Variants in CPT1C observed in about 807,000 individuals in gnomAD.
The protein encoded by CPT1C is palmitoyl thioesterase CPT1C.
In CPT1C, 61 loss-of-function variants were observed where a neutral mutation model predicts 97.3. That is an observed-to-expected ratio of 0.63 (90% CI 0.51 to 0.78). The LOEUF (loss-of-function observed/expected upper bound fraction) is 0.78. CPT1C is among the 30% of genes least tolerant of loss of function. CPT1C has a pLI of 0.00. For synonymous variants in CPT1C, 469 were observed against 447.2 expected, an observed-to-expected ratio of 1.05 and a Z score of -0.61; for missense variants, 975 against 1,065.5, an observed-to-expected ratio of 0.92 and a Z score of 1.18.
At chr19:49,699,051 C>T (rs546677795) in intron 4 of CPT1C, among the ~76,000 whole-genome samples, 3 of 151,862 alleles carry the variant, frequency 2.0e-5, no homozygotes, top group Middle Eastern at 3.4e-3. Flanking sequence ...TGCAGTGAGG[C>T]GAGATCACGC....
At chr19:49,702,907 G>C in intron 7 of CPT1C, among the ~76,000 whole-genome samples, 1 of 151,846 alleles carries the variant, frequency 6.6e-6, no homozygotes, top group South Asian at 2.1e-4. Context: ...GAGAGGGGAA[G>C]GGAAGAGGGT....
intron 3 of CPT1C, among the ~76,000 whole-genome samples, chr19:49,694,648 G>T (rs1356523028): frequency 6.6e-6 from 1 of 151,400 alleles, no homozygotes; most frequent in African/African-American, 2.4e-5. Flanking sequence ...AAAAAAAAAG[G>T]GGGTGGGAGC....
chr19:49,705,232 C>T lies in CPT1C; in HGVS notation c.898C>T (p.Arg300Cys), dbSNP rs1026684162. Residue 300 changes from arginine to cysteine, a missense_variant, in exon 10 of 20, where the codon CGC (arginine) becomes TGC (cysteine). By Grantham distance (180) the Arg-to-Cys change is radical (BLOSUM62 -3). Coordinates refer to ENST00000598293, the MANE Select transcript of CPT1C (RefSeq NM_001199753.2). ...EIPPTLLMGMRPLCSAQYEKI... is the reference protein window; with the variant it reads ...EIPPTLLMGMCPLCSAQYEKI... ...CCTGCAGACTTTGCTGATGGGAATG[C>T]GCCCCTTATGCTCTGCCCAGTACGA... 25 of 1,614,068 alleles carry T rather than the reference C, an allele frequency of 1.5e-5. No homozygotes were observed. Among genetic ancestry groups the T allele is most frequent in the South Asian group, 4.4e-5 (4 of 91,084 alleles).
At position 49,712,110 on chromosome 19, in the gene CPT1C, A is replaced by T. The variant is rs556809461; in HGVS notation, c.2019+149A>T. The T allele has an allele frequency of 1.3e-5, 12 of 944,938 alleles. No homozygotes were observed. In the East Asian group the frequency reaches 3.3e-4, roughly 26 times the overall value. 58.5% of individuals were successfully genotyped at this position (944,938 alleles called of 1,614,324 possible). A position where few individuals can be genotyped will look rare whatever the true frequency, so the allele number is the denominator to read the frequency against. ...GTAATCCCAGCAGTTTGGGAAGCCGAGGCAGGCGGATCACTTGAGGTCAAG... is the reference window on the plus strand; with the variant it reads ...GTAATCCCAGCAGTTTGGGAAGCCGTGGCAGGCGGATCACTTGAGGTCAAG... On this transcript the variant is annotated intron_variant, in intron 17 of 19. Coordinates refer to ENST00000598293, the MANE Select transcript of CPT1C (RefSeq NM_001199753.2).
At chr19:49,699,110 A>AG (rs1400092857) in intron 4 of CPT1C, among the ~76,000 whole-genome samples, 1 of 152,044 alleles carries the variant, frequency 6.6e-6, no homozygotes, top group Non-Finnish European at 1.5e-5. Context: ...CTCAATTAAA[A>AG]GAAAAAAAAA....
chr19:49,692,100 C>T, intron 2 of CPT1C, 139 bp from the exon 3 acceptor site: 1 of 771,266 alleles, frequency 1.3e-6, no homozygotes, highest in Non-Finnish European at 2.0e-6. Context: ...GGCTGGGGGC[C>T]TGGACTCCTG....
In CPT1C at chr19:49,713,665, TG is replaced by T. The variant is rs778367629; in HGVS notation, c.*61del. The T allele has an allele frequency of 6.6e-7, 1 of 1,523,404 alleles. No homozygotes were observed. Among genetic ancestry groups the T allele is most frequent in the East Asian group, 2.3e-5 (1 of 44,340 alleles). The allele number at this position is 1,523,404 out of a possible 1,614,324, so 94.4% of individuals were successfully genotyped here. The stretch of plus-strand genomic sequence containing the variant: ...TAAGGGTGAAATTGCCACAGCTGGC[TG>T]ACACAGGACAGGGGCAACTGGTTTG... On this transcript the variant is annotated 3_prime_UTR_variant, in exon 20 of 20. Transcript: ENST00000598293.
intron 4 of CPT1C, among the ~76,000 whole-genome samples, chr19:49,698,942 A>C (rs2082832344): frequency 6.6e-6 from 1 of 151,968 alleles, no homozygotes. Context: ...GTCTCTACTA[A>C]AAATACAAAA....
rs2083769488 is a variant in CPT1C, at chr19:49,710,201, T to A, written c.1567-119T>A. The A allele has an allele frequency of 1.0e-5, 10 of 962,818 alleles. No individual in the cohort carries two copies. The South Asian group carries it at 1.5e-4, about 14-fold the overall frequency. 59.6% of individuals were successfully genotyped at this position (962,818 alleles called of 1,614,324 possible). ...AATTCTCTTCTCTTCTTTGTCCCCA[T>A]TTCCATATTCTGCCGCAACCTTAAC... On this transcript the variant is annotated intron_variant, in intron 14 of 19. Transcript: ENST00000598293.
intron 12 of CPT1C, 132 bp from the exon 13 acceptor site, chr19:49,707,386 A>C: frequency 1.5e-6 from 1 of 678,452 alleles, no homozygotes. Flanking sequence ...ATGGTCCTAG[A>C]GATCCCCATA....
At chr19:49,712,433 AGGCAACGG>A (rs985981043) in intron 17 of CPT1C, 1 of 395,918 alleles carries the variant, frequency 2.5e-6, no homozygotes, top group East Asian at 5.2e-5. Context: ...GAAGGCGGAG[AGGCAACGG>A]GACAACGGGA....
In CPT1C at chr19:49,710,656, A is replaced by T; in HGVS notation, c.1732-67A>T. The T allele has an allele frequency of 2.5e-6, 4 of 1,587,444 alleles. No individual in the cohort carries two copies. In the South Asian group the frequency reaches 4.5e-5, roughly 18 times the overall value. On this transcript the variant is annotated intron_variant, in intron 15 of 19. Transcript: ENST00000598293. ...GAGGAGGCTGGAGGTCTGGACAGAG[A>T]TAGGTCAAGTCTGTAAGATCTCCTG...
intron 7 of CPT1C, among the ~76,000 whole-genome samples, chr19:49,703,881 C>T (rs1324297119): frequency 6.6e-6 from 1 of 151,990 alleles, no homozygotes; most frequent in African/African-American, 2.4e-5. Context: ...TATCCTCCCA[C>T]CTCAGCCTCC....
At chr19:49,700,316 G>A (rs2082940425) in intron 4 of CPT1C, among the ~76,000 whole-genome samples, 1 of 151,832 alleles carries the variant, frequency 6.6e-6, no homozygotes, top group Admixed American at 6.6e-5. Flanking sequence ...TGGCTTGTTA[G>A]GTCTTAAAGG....
chr19:49,713,003 T>C lies in CPT1C; in HGVS notation c.2165T>C (p.Ile722Thr), dbSNP rs553087160. 6.2e-6 allele frequency: 10 copies of C among 1,614,040 alleles called. No homozygotes were observed. The African/African-American group carries it at 9.3e-5, about 15-fold the overall frequency. ...GACCATGGTTATGGTGTTTCTTATA[T>C]CTTCATGGGGGATGGCATGATCACC... ...ADDHGYGVSY[I>T]FMGDGMITFH... The change falls in exon 19 of 20, where the codon ATC becomes ACC. Residue 722 changes from isoleucine (I) to threonine (T), a missense_variant. By Grantham distance (89) the Ile-to-Thr change is moderately conservative (BLOSUM62 -1). Coordinates refer to ENST00000598293, the MANE Select transcript of CPT1C (RefSeq NM_001199753.2).
chr19:49,703,014 G>A (rs2083271341), intron 7 of CPT1C, among the ~76,000 whole-genome samples: 1 of 151,890 alleles, frequency 6.6e-6, no homozygotes, highest in Non-Finnish European at 1.5e-5. Context: ...GGGAATGCAG[G>A]CCTTGCTTTT....
rs1168835732 is a variant in CPT1C, at chr19:49,708,707, C to T, written c.1450-16C>T. 1 of 1,592,632 alleles carries T rather than the reference C, an allele frequency of 6.3e-7. No individual in the cohort carries two copies. The highest frequency in any genetic ancestry group is 8.6e-7 in the Non-Finnish European group (1 of 1,160,496). On this transcript the variant is annotated splice_polypyrimidine_tract_variant and intron_variant, in intron 13 of 19. Coordinates refer to ENST00000598293, the MANE Select transcript of CPT1C (RefSeq NM_001199753.2). The stretch of plus-strand genomic sequence containing the variant: ...ACAGGGAGGAAGGGACTCTAACAGC[C>T]TCTGTTTGCCCACAGTTCACTCTGG...
chr19:49,703,898 G>A (rs1174201996), intron 7 of CPT1C, among the ~76,000 whole-genome samples: 1 of 151,896 alleles, frequency 6.6e-6, no homozygotes, highest in Non-Finnish European at 1.5e-5. Context: ...CTCCCAAAAT[G>A]CTGAGATAAG....
chr19:49,707,597 T>C lies in CPT1C; in HGVS notation c.1423T>C (p.Cys475Arg), dbSNP rs546084614. 2 of 1,613,222 alleles carry C rather than the reference T, an allele frequency of 1.2e-6. No homozygotes were observed. Among genetic ancestry groups the C allele is most frequent in the African/African-American group, 1.3e-5 (1 of 75,006 alleles). ...CAGCGTGGAGCACTCCTGGGCCGACTGCCCCATCTCAGGACACATGTGGGA... is the reference window on the plus strand; with the variant it reads ...CAGCGTGGAGCACTCCTGGGCCGACCGCCCCATCTCAGGACACATGTGGGA... ...GLSVEHSWAD[C>R]PISGHMWEFT... Residue 475 changes from cysteine (C) to arginine (R), a missense_variant, in exon 13 of 20, where the codon TGC (cysteine) becomes CGC (arginine). Coordinates refer to ENST00000598293, the MANE Select transcript of CPT1C (RefSeq NM_001199753.2).
Sources: allele counts gnomAD v4.1 joint callset (sites outside exome capture counted in the v4.1 genomes callset), GRCh38; gene constraint gnomAD v4.1.1; transcripts MANE v1.5; gene names NCBI Gene and HGNC (gene_info 2026-07-23, HGNC 2026-07-21).